The following CACNA2D3 variants were observed in gnomAD, a reference collection of about 807,000 sequenced individuals.
The protein encoded by CACNA2D3 is voltage-dependent calcium channel subunit alpha-2/delta-3.
A neutral mutation model predicts 160.6 loss-of-function variants in CACNA2D3; 60 were observed. The observed-to-expected ratio is 0.37, with a 90% CI of 0.30 to 0.46. The LOEUF (loss-of-function observed/expected upper bound fraction) is 0.46. CACNA2D3 is among the 20% of genes least tolerant of loss of function. The pLI, the probability that CACNA2D3 is intolerant of heterozygous loss-of-function variation, is 1.00. For missense variants in CACNA2D3, 1,205 were observed against 1,365.0 expected, an observed-to-expected ratio of 0.88 and a Z score of 1.85; for synonymous variants, 558 against 492.9, an observed-to-expected ratio of 1.13 and a Z score of -1.75.
chr3:54,627,624 A>G (rs1279468258), intron 9 of CACNA2D3, among the ~76,000 whole-genome samples, 163 bp from the exon 10 acceptor site: 1 of 152,218 alleles, frequency 6.6e-6, no homozygotes, highest in Non-Finnish European at 1.5e-5. Flanking sequence ...TAAGTTTTAC[A>G]TTGAGTAAGT....
Position 55,074,136 on chromosome 3 carries a change from G to A in CACNA2D3, c.3206G>A (p.Gly1069Asp), listed in dbSNP as rs200174924. The A allele has an allele frequency of 7.0e-5, 113 of 1,613,676 alleles. No individual in the cohort carries two copies. The highest frequency in any genetic ancestry group is 9.3e-5 in the Non-Finnish European group (110 of 1,179,768). ...TAGGAGAATGCAAGGGAGTGTGGGG[G>A]TGCGCCGAGTCTCCAAGCCCAGACA... ...HPEENARECG[G>D]APSLQAQTVL... Residue 1069 changes from glycine to aspartate, a missense_variant, in exon 38 of 38, where the codon GGT (glycine) becomes GAT (aspartate). By Grantham distance (94) the Gly-to-Asp change is moderately conservative. Around this residue, in one of 3 missense-constraint regions of CACNA2D3, gnomAD observed 911 missense variants for 1,002.2 expected, o/e 0.91. Coordinates refer to ENST00000474759, the MANE Select transcript of CACNA2D3 (RefSeq NM_018398.3).
intron 2 of CACNA2D3, among the ~76,000 whole-genome samples, chr3:54,165,851 C>T (rs1304332762): frequency 6.6e-6 from 1 of 152,090 alleles, no homozygotes; most frequent in East Asian, 1.9e-4. Flanking sequence ...CTCTGGATCC[C>T]TCTTTGTCCC....
chr3:54,757,526 T>G (rs937857118), intron 12 of CACNA2D3, among the ~76,000 whole-genome samples: 1 of 152,104 alleles, frequency 6.6e-6, no homozygotes, highest in African/African-American at 2.4e-5. Context: ...AATTAAAACA[T>G]TTTGCTATTT....
chr3:54,392,229 GT>G (rs1157713720), intron 4 of CACNA2D3, among the ~76,000 whole-genome samples: 4 of 152,006 alleles, frequency 2.6e-5, no homozygotes, highest in Admixed American at 6.5e-5. Context: ...GTCTATACAT[GT>G]TCTAGTACAA....
intron 31 of CACNA2D3, 91 bp downstream of exon 31, chr3:54,987,844 G>C: frequency 1.1e-6 from 1 of 889,588 alleles, no homozygotes; most frequent in South Asian, 2.0e-5. Context: ...GCCCAGACTT[G>C]ACCCTGTGGC....
At chr3:54,956,098 C>T (rs1467633064) in intron 27 of CACNA2D3, among the ~76,000 whole-genome samples, 2 of 152,210 alleles carry the variant, frequency 1.3e-5, no homozygotes, top group African/African-American at 4.8e-5. Flanking sequence ...CTCATAATCA[C>T]CTCATGTGCA....
At chr3:54,762,513 A>AG (rs912522380) in intron 12 of CACNA2D3, among the ~76,000 whole-genome samples, 14 of 151,576 alleles carry the variant, frequency 9.2e-5, no homozygotes, top group African/African-American at 2.4e-4. Flanking sequence ...GCCAGGCCCC[A>AG]GGGGGGGCAG....
chr3:54,541,722 G>C (rs554162739), intron 5 of CACNA2D3, among the ~76,000 whole-genome samples: 1 of 152,322 alleles, frequency 6.6e-6, no homozygotes, highest in African/African-American at 2.4e-5. Flanking sequence ...AGATCATGAA[G>C]GATGAAGAAA....
chr3:54,951,994 G>C (rs1701769598), intron 27 of CACNA2D3, among the ~76,000 whole-genome samples: 1 of 152,144 alleles, frequency 6.6e-6, no homozygotes, highest in Non-Finnish European at 1.5e-5. Context: ...GACTACAGGT[G>C]CCTGCCACCA....
rs547081520 is a variant in CACNA2D3 at position 54,612,627 on chromosome 3, G to C, written c.964-15160G>C. 1.3e-5 allele frequency among the ~76,000 whole-genome samples: 2 copies of C among 152,272 alleles called. 1 individual carries two copies. The highest frequency in any genetic ancestry group is 4.1e-4 in the South Asian group (2 of 4,822). On this transcript the variant is annotated intron_variant, in intron 9 of 37. Coordinates refer to ENST00000474759, the MANE Select transcript of CACNA2D3 (RefSeq NM_018398.3). ...TAAATTTCCTTTAATTTCAATTAGA[G>C]GTGAGTAGAGATATATTAATTATAC...
At chr3:54,504,005 A>G (rs1459113249) in intron 5 of CACNA2D3, among the ~76,000 whole-genome samples, 20 of 152,202 alleles carry the variant, frequency 1.3e-4, no homozygotes, top group Admixed American at 1.3e-3. Flanking sequence ...AAAGCAGCCA[A>G]ATGGCTGTGT....
intron 11 of CACNA2D3, among the ~76,000 whole-genome samples, chr3:54,689,049 C>T (rs906313537): frequency 2.1e-5 from 3 of 142,738 alleles, no homozygotes; most frequent in Non-Finnish European, 1.5e-5. Context: ...GACGTGGTTC[C>T]TGACACAGAG....
intron 13 of CACNA2D3, among the ~76,000 whole-genome samples, chr3:54,781,672 T>C (rs1702540013): frequency 6.6e-6 from 1 of 152,358 alleles, no homozygotes; most frequent in African/African-American, 2.4e-5. Flanking sequence ...TTTTAGTAGT[T>C]ATTGGCATCC....
chr3:54,786,319 T>C (rs1206556806), intron 13 of CACNA2D3, among the ~76,000 whole-genome samples: 2 of 152,194 alleles, frequency 1.3e-5, no homozygotes, highest in African/African-American at 2.4e-5. Context: ...CAAATGGTAA[T>C]ATGGATGAAT....
intron 2 of CACNA2D3, among the ~76,000 whole-genome samples, chr3:54,188,271 A>AC (rs71074955): frequency 1.9e-4 from 28 of 145,948 alleles, no homozygotes; most frequent in South Asian, 4.4e-4. Context: ...AAACAAACAA[A>AC]AAAACCAGTA....
chr3:54,665,588 C>T (rs189593649), intron 11 of CACNA2D3, among the ~76,000 whole-genome samples: 2 of 152,198 alleles, frequency 1.3e-5, no homozygotes, highest in East Asian at 3.9e-4. Context: ...CTGCACTAAT[C>T]CCAAAACATA....
chr3:54,285,315 C>T (rs192521317), intron 2 of CACNA2D3, among the ~76,000 whole-genome samples: 18 of 152,290 alleles, frequency 1.2e-4, no homozygotes, highest in African/African-American at 3.4e-4. Context: ...CCTACGCCCA[C>T]GAAGTCTCGC....
At chr3:54,125,424 A>G (rs535218397) in intron 2 of CACNA2D3, among the ~76,000 whole-genome samples, 11 of 152,266 alleles carry the variant, frequency 7.2e-5, no homozygotes, top group Admixed American at 6.5e-4. Flanking sequence ...CAGCTTGACA[A>G]TTGTGTAATT....
At chr3:54,682,191 A>C (rs557086549) in intron 11 of CACNA2D3, among the ~76,000 whole-genome samples, 6 of 151,694 alleles carry the variant, frequency 4.0e-5, no homozygotes, top group African/African-American at 1.4e-4. Context: ...ACACACACAC[A>C]CACCACAAAA....
Sources: gnomAD v4.1 joint callset for allele counts (sites outside exome capture counted in the v4.1 genomes callset) on GRCh38, gnomAD v4.1.1 for gene constraint, gnomAD v4.1.1 regional missense constraint, MANE v1.5 for transcripts, NCBI Gene and HGNC (gene_info 2026-07-23, HGNC 2026-07-21) for gene names.